RSF1: variants seen among roughly 807,000 people sequenced by gnomAD.
RSF1 encodes the protein remodeling and spacing factor 1, also known as HBV pX-associated protein 8.
A neutral mutation model predicts 145.2 loss-of-function variants in RSF1; 13 were observed. The observed-to-expected ratio is 0.09, with a 90% CI of 0.06 to 0.14. The LOEUF is 0.14. Among genes scored for constraint, RSF1 ranks in the 10% least tolerant of loss-of-function variants. The probability of loss-of-function intolerance (pLI) is 1.00; values close to 1 mark genes in which losing one functional copy is unlikely to be tolerated. For synonymous variants in RSF1, 577 were observed against 592.6 expected (o/e 0.97, Z 0.38); for missense variants, 1,517 against 1,718.2 (o/e 0.88, Z 2.07).
intron 11 of RSF1, among the ~76,000 whole-genome samples, chr11:77,680,964 A>G (rs1389335341): frequency 4.6e-5 from 7 of 152,220 alleles, no homozygotes; most frequent in South Asian, 4.1e-4. Context: ...TTGAGTGACT[A>G]CTTTCTTACT....
chr11:77,746,456 C>T (rs941876820), intron 3 of RSF1, among the ~76,000 whole-genome samples: 6 of 152,142 alleles, frequency 3.9e-5, no homozygotes, highest in African/African-American at 1.4e-4. Context: ...ACTTACAAAA[C>T]ATTATAAATT....
At chr11:77,713,438 G>T (rs555256444) in intron 5 of RSF1, among the ~76,000 whole-genome samples, 1 of 152,062 alleles carries the variant, frequency 6.6e-6, no homozygotes, top group South Asian at 2.1e-4. Context: ...TCCTTCCCTT[G>T]TAAGTCATTT....
At chr11:77,815,522 A>G (rs1948773316) in intron 1 of RSF1, among the ~76,000 whole-genome samples, 1 of 152,150 alleles carries the variant, frequency 6.6e-6, no homozygotes, top group Non-Finnish European at 1.5e-5. Context: ...TTAGGCCTGA[A>G]TTATTCTTTT....
chr11:77,726,586 T>C (rs1335478801), intron 4 of RSF1, among the ~76,000 whole-genome samples: 1 of 152,150 alleles, frequency 6.6e-6, no homozygotes, highest in African/African-American at 2.4e-5. Flanking sequence ...AGAAATGCTG[T>C]CAGACAGTGC....
chr11:77,735,984 G>A (rs1035123654), intron 4 of RSF1, among the ~76,000 whole-genome samples: 14 of 152,186 alleles, frequency 9.2e-5, no homozygotes, highest in African/African-American at 3.1e-4. Flanking sequence ...TGATCCGCCC[G>A]CCTTGGCCTC....
chr11:77,815,105 A>C (rs1948769559), intron 1 of RSF1, among the ~76,000 whole-genome samples: 1 of 152,254 alleles, frequency 6.6e-6, no homozygotes, highest in Non-Finnish European at 1.5e-5. Flanking sequence ...GAGTAAGGAG[A>C]GAATGCCTGC....
chr11:77,773,125 T>C (rs1284225712), intron 1 of RSF1, among the ~76,000 whole-genome samples: 2 of 152,198 alleles, frequency 1.3e-5, no homozygotes, highest in Non-Finnish European at 2.9e-5. Flanking sequence ...CTTCTTCCAA[T>C]CCATTCTTCC....
At chr11:77,803,739 C>T (rs988581513) in intron 1 of RSF1, among the ~76,000 whole-genome samples, 2 of 152,000 alleles carry the variant, frequency 1.3e-5, no homozygotes, top group African/African-American at 4.8e-5. Flanking sequence ...GAGCACGCTA[C>T]TGCACTCCAG....
the RSF1 span, among the ~76,000 whole-genome samples, chr11:77,826,002 T>C: frequency 1.3e-5 from 2 of 152,170 alleles, no homozygotes; most frequent in Non-Finnish European, 2.9e-5. Context: ...CCATCTTTTT[T>C]TGAGACTTAT....
chr11:77,811,765 C>T (rs976181430), intron 1 of RSF1, among the ~76,000 whole-genome samples: 11 of 152,166 alleles, frequency 7.2e-5, no homozygotes, highest in African/African-American at 2.7e-4. Flanking sequence ...CTCAATATAA[C>T]TTGGTATCAA....
chr11:77,727,916 C>G (rs926010337), intron 4 of RSF1, among the ~76,000 whole-genome samples: 38 of 152,166 alleles, frequency 2.5e-4, no homozygotes, highest in African/African-American at 8.9e-4. Context: ...AACAAAACTA[C>G]CCATCTTTGG....
chr11:77,811,632 G>A (rs1033252352), intron 1 of RSF1, among the ~76,000 whole-genome samples: 3 of 152,128 alleles, frequency 2.0e-5, no homozygotes, highest in Non-Finnish European at 4.4e-5. Flanking sequence ...GCAGGAGGAC[G>A]AAGAAAAAGC....
chr11:77,816,208 T>A (rs530688044), intron 1 of RSF1, among the ~76,000 whole-genome samples: 1 of 152,360 alleles, frequency 6.6e-6, no homozygotes, highest in African/African-American at 2.4e-5. Context: ...TTAATGTATG[T>A]ATGCCCTACC....
chr11:77,727,325 G>T (rs955196788), intron 4 of RSF1, among the ~76,000 whole-genome samples: 3 of 152,124 alleles, frequency 2.0e-5, no homozygotes, highest in Non-Finnish European at 2.9e-5. Context: ...AATTCCATAT[G>T]CAACGAATGG....
At chr11:77,860,131 C>T in the RSF1 span, among the ~76,000 whole-genome samples, 3 of 152,196 alleles carry the variant, frequency 2.0e-5, no homozygotes, top group Admixed American at 1.3e-4. Flanking sequence ...CCTGTTTTTT[C>T]TGTGATATAT....
chr11:77,828,410 G>A, the RSF1 span, among the ~76,000 whole-genome samples: 1 of 152,168 alleles, frequency 6.6e-6, no homozygotes, highest in Non-Finnish European at 1.5e-5. Context: ...GCTCACACCT[G>A]TAATCCCAGT....
In RSF1 at chr11:77,672,080, C is replaced by A. The variant is rs535402776; in HGVS notation, c.3713G>T (p.Arg1238Leu). 2 of 1,613,882 alleles carry A rather than the reference C, an allele frequency of 1.2e-6. No homozygotes were observed. The highest frequency in any genetic ancestry group is 2.2e-5 in the South Asian group (2 of 90,972). The part of the protein sequence containing the change: ...KSLRRGKEIR[R>L]VHKRRLSSSE... ...GCTGGAAAGTCTTCGCTTGTGTACT[C>A]GCCTTATTTCTTTACCACGTCGCAA... is the stretch of plus-strand genomic sequence containing the variant. The change falls in exon 15 of 16, where the codon CGA becomes CTA. Residue 1238 changes from arginine (R) to leucine (L), a missense_variant. Physicochemically the swap from Arg to Leu is moderately radical, Grantham distance 102 (BLOSUM62 -2). Around this residue, in one of 12 missense-constraint regions of RSF1, gnomAD observed 240 missense variants for 231.8 expected, o/e 1.04. Transcript: ENST00000308488.
At chr11:77,671,909 C>T (rs891096276) in intron 15 of RSF1, 133 bp downstream of exon 15, 2 of 776,342 alleles carry the variant, frequency 2.6e-6, no homozygotes, top group South Asian at 5.4e-5. Flanking sequence ...GCCGGGATTA[C>T]AGGCGTGAGC....
At chr11:77,789,644 C>G (rs544027027) in intron 1 of RSF1, among the ~76,000 whole-genome samples, 2 of 152,218 alleles carry the variant, frequency 1.3e-5, no homozygotes, top group African/African-American at 4.8e-5. Context: ...CCACCCTCCA[C>G]AGTGGCAGGG....
Sources: allele counts gnomAD v4.1 joint callset (sites outside exome capture counted in the v4.1 genomes callset), GRCh38; gene constraint gnomAD v4.1.1; regional missense constraint gnomAD v4.1.1; transcripts MANE v1.5; gene names NCBI Gene and HGNC (gene_info 2026-07-23, HGNC 2026-07-21).